FGD5: variants seen among roughly 807,000 people sequenced by gnomAD.
FGD5 encodes the protein FYVE, RhoGEF and PH domain-containing protein 5.
In FGD5, 28 loss-of-function variants were observed where a neutral mutation model predicts 133.4. The ratio of observed to expected loss-of-function variants is 0.21; its 90% CI spans 0.16 to 0.29. The LOEUF (loss-of-function observed/expected upper bound fraction) is 0.29. FGD5 is among the 10% of genes least tolerant of loss of function. FGD5 has a pLI of 1.00. For missense variants in FGD5, 1,858 were observed against 1,895.2 expected (o/e 0.98, Z 0.36); for synonymous variants, 810 against 776.5 (o/e 1.04, Z -0.72).
rs1575242040 is a variant in FGD5, at chr3:14,898,832, C to T, written c.3154+6C>T. ...GTACCAAGTGCTCCTCACAGGTGGG[C>T]CCCACAGGAGATCAATGGGGACTGA... On this transcript the variant is annotated splice_donor_region_variant and intron_variant, in intron 7 of 19. Transcript: ENST00000285046. The T allele has an allele frequency of 6.4e-7, 1 of 1,570,850 alleles. No homozygotes were observed. The highest frequency in any genetic ancestry group is 1.2e-5 in the South Asian group (1 of 85,416).
intron 2 of FGD5, among the ~76,000 whole-genome samples, chr3:14,880,264 G>T (rs1287317260): frequency 1.3e-5 from 2 of 152,142 alleles, no homozygotes; most frequent in African/African-American, 4.8e-5. Flanking sequence ...TGAGGTAGGA[G>T]GATCGCTTGA....
chr3:14,874,585 C>G (rs2037679923), intron 2 of FGD5, among the ~76,000 whole-genome samples: 1 of 152,086 alleles, frequency 6.6e-6, no homozygotes, highest in African/African-American at 2.4e-5. Context: ...AGCTACTGTT[C>G]AACAAAGTTT....
chr3:14,933,215 G>C lies in FGD5; in HGVS notation c.*48G>C. The C allele has an allele frequency of 6.3e-7, 1 of 1,597,968 alleles. No homozygotes were observed. The highest frequency in any genetic ancestry group is 1.1e-5 in the South Asian group (1 of 88,676). ...GTAACAAATTCTTAGGTCAATATGT[G>C]AATGCTTTTAGAAGCTAAGCTGTGG... On this transcript the variant is annotated 3_prime_UTR_variant, in exon 20 of 20. Transcript: ENST00000285046.
chr3:14,915,292 A>G (rs2038530774), intron 11 of FGD5, among the ~76,000 whole-genome samples: 1 of 152,200 alleles, frequency 6.6e-6, no homozygotes, highest in Admixed American at 6.5e-5. Context: ...AGCTGTGGGA[A>G]AACTCATTCT....
chr3:14,875,792 G>A (rs1485469801), intron 2 of FGD5, among the ~76,000 whole-genome samples: 1 of 152,098 alleles, frequency 6.6e-6, no homozygotes, highest in East Asian at 1.9e-4. Flanking sequence ...AGGGAGTGGA[G>A]GGAGACACTG....
intron 4 of FGD5, among the ~76,000 whole-genome samples, chr3:14,891,188 G>A (rs562353518): frequency 6.6e-5 from 10 of 152,256 alleles, no homozygotes; most frequent in Admixed American, 4.6e-4. Context: ...GGAGACTCAC[G>A]GGGAAAGAGT....
At chr3:14,900,260 G>T in intron 7 of FGD5, 143 bp from the exon 8 acceptor site, 1 of 762,632 alleles carries the variant, frequency 1.3e-6, no homozygotes, top group Non-Finnish European at 2.3e-6. Context: ...TCATGCTAAT[G>T]TGGTATTGTG....
At chr3:14,813,285 T>A (rs13093598) in intron 1 of FGD5, among the ~76,000 whole-genome samples, 8,862 of 152,010 alleles carry the variant, frequency 0.058, 270 homozygotes, top group African/African-American at 0.075. Flanking sequence ...ATAGCAGAGA[T>A]GGGATGGGAG....
At position 14,835,499 on chromosome 3, in the gene FGD5, C is replaced by CA. The variant is rs572373678; in HGVS notation, c.2525+13914dup. On this transcript the variant is annotated intron_variant, in intron 1 of 19. Transcript: ENST00000285046. ...CGGATGACAGAGTGAGACTCTGTCT[C>CA]AAAAAAAAAAAGAAAAGAAAAGAAA... 6.3e-3 allele frequency among the ~76,000 whole-genome samples: 793 copies of CA among 126,344 alleles called. 14 individuals carry two copies. Among genetic ancestry groups the CA allele is most frequent in the East Asian group, 0.06 (273 of 4,560 alleles). The allele number at this position is 126,344 out of a possible 152,430, so 82.9% of individuals were successfully genotyped here.
intron 11 of FGD5, 49 bp downstream of exon 11, chr3:14,910,978 A>G: frequency 6.5e-7 from 1 of 1,548,362 alleles, no homozygotes; most frequent in East Asian, 2.3e-5. Flanking sequence ...AAGTTCTATG[A>G]GGTTTTCTAG....
chr3:14,919,081 G>T (rs1361906166), intron 13 of FGD5, among the ~76,000 whole-genome samples: 1 of 152,092 alleles, frequency 6.6e-6, no homozygotes, highest in Non-Finnish European at 1.5e-5. Flanking sequence ...GGTTTCTAGA[G>T]CCCATGGCTT....
intron 2 of FGD5, among the ~76,000 whole-genome samples, 194 bp from the exon 3 acceptor site, chr3:14,880,373 TTAAAA>T (rs1356861276): frequency 6.6e-6 from 1 of 152,106 alleles, no homozygotes; most frequent in Non-Finnish European, 1.5e-5. Flanking sequence ...AAATACATTT[TTAAAA>T]TAAAATAAAA....
chr3:14,909,780 A>C (rs1315003300), intron 10 of FGD5, among the ~76,000 whole-genome samples: 1 of 124,322 alleles, frequency 8.0e-6, no homozygotes, highest in African/African-American at 3.0e-5. Flanking sequence ...TTTTTTTTGG[A>C]GACAGAGTCT....
intron 19 of FGD5, among the ~76,000 whole-genome samples, 192 bp downstream of exon 19, chr3:14,932,923 C>T (rs1207437029): frequency 6.6e-6 from 1 of 152,176 alleles, no homozygotes; most frequent in Non-Finnish European, 1.5e-5. Context: ...ATTCATGAAT[C>T]AAGGATGCAT....
intron 4 of FGD5, among the ~76,000 whole-genome samples, chr3:14,885,572 T>C (rs2037911484): frequency 6.6e-6 from 1 of 152,250 alleles, no homozygotes; most frequent in Admixed American, 6.5e-5. Context: ...TGGTTGAGGC[T>C]GGCTGTTGTC....
intron 2 of FGD5, among the ~76,000 whole-genome samples, chr3:14,878,986 C>T (rs953247590): frequency 6.6e-6 from 1 of 152,174 alleles, no homozygotes; most frequent in African/African-American, 2.4e-5. Context: ...GGATTACAGG[C>T]GTGAGCCACT....
At chr3:14,891,822 C>T (rs375970201) in intron 4 of FGD5, among the ~76,000 whole-genome samples, 2 of 152,306 alleles carry the variant, frequency 1.3e-5, no homozygotes, top group Middle Eastern at 6.8e-3. Context: ...GAGGGGGTCT[C>T]TCAGTCTCTA....
intron 2 of FGD5, among the ~76,000 whole-genome samples, chr3:14,875,079 C>A (rs2037689051): frequency 6.6e-6 from 1 of 152,218 alleles, no homozygotes; most frequent in Non-Finnish European, 1.5e-5. Context: ...AAACCCCCAC[C>A]TGTGTTCCCT....
chr3:14,916,128 AG>A (rs1433262977), intron 11 of FGD5, among the ~76,000 whole-genome samples: 1 of 152,164 alleles, frequency 6.6e-6, no homozygotes, highest in African/African-American at 2.4e-5. Flanking sequence ...CCATGTGAAA[AG>A]GGCTCACCCC....
Sources: gnomAD v4.1 joint callset for allele counts (sites outside exome capture counted in the v4.1 genomes callset) on GRCh38, gnomAD v4.1.1 for gene constraint, MANE v1.5 for transcripts, NCBI Gene and HGNC (gene_info 2026-07-23, HGNC 2026-07-21) for gene names.